DSCAM: variants seen among roughly 807,000 people sequenced by gnomAD.
DSCAM encodes the protein DS cell adhesion molecule.
DSCAM carries 47 observed loss-of-function variants against 217.7 expected under a neutral mutation model. That is an observed-to-expected ratio of 0.22 (90% CI 0.17 to 0.28). The LOEUF is 0.28. Ranked by LOEUF, DSCAM falls within the 10% of genes least tolerant of loss-of-function variation. The pLI is 1.00. For missense variants in DSCAM, 2,080 were observed against 2,618.3 expected (o/e 0.79, Z 4.49); for synonymous variants, 1,056 against 1,015.3 (o/e 1.04, Z -0.76).
At chr21:40,031,464 G>C (rs2088522728) in intron 32 of DSCAM, among the ~76,000 whole-genome samples, 1 of 152,016 alleles carries the variant, frequency 6.6e-6, no homozygotes, top group Admixed American at 6.6e-5. Flanking sequence ...ACACATAAAA[G>C]GGTTAATATC....
At chr21:40,182,549 C>T (rs146587571) in intron 14 of DSCAM, among the ~76,000 whole-genome samples, 89 of 150,112 alleles carry the variant, frequency 5.9e-4, no homozygotes, top group East Asian at 5.2e-3. Context: ...ACAGAGAAAC[C>T]GTGGACAGGA....
intron 3 of DSCAM, among the ~76,000 whole-genome samples, chr21:40,541,143 G>A (rs1487684144): frequency 2.0e-5 from 3 of 151,840 alleles, no homozygotes; most frequent in Non-Finnish European, 4.4e-5. Context: ...CATTTTACAG[G>A]CCATTGTTAT....
At chr21:40,381,808 G>A (rs2075028965) in intron 3 of DSCAM, among the ~76,000 whole-genome samples, 1 of 152,130 alleles carries the variant, frequency 6.6e-6, no homozygotes, top group African/African-American at 2.4e-5. Context: ...TCAGTTTCAT[G>A]GATTGCAGCT....
intron 1 of DSCAM, among the ~76,000 whole-genome samples, chr21:40,787,464 C>G (rs1401382301): frequency 6.6e-6 from 1 of 152,168 alleles, no homozygotes; most frequent in Non-Finnish European, 1.5e-5. Context: ...ATGTCTCACC[C>G]CATTTCTCAA....
intron 1 of DSCAM, among the ~76,000 whole-genome samples, chr21:40,751,687 T>C (rs886581838): frequency 6.6e-6 from 1 of 152,106 alleles, no homozygotes; most frequent in Non-Finnish European, 1.5e-5. Flanking sequence ...GAGGGGTTCC[T>C]ACTGTAGGGT....
At chr21:40,481,505 C>A (rs549533836) in intron 3 of DSCAM, among the ~76,000 whole-genome samples, 15 of 107,874 alleles carry the variant, frequency 1.4e-4, no homozygotes, top group African/African-American at 4.9e-4. Flanking sequence ...GCCTGGGCAA[C>A]AGAGACAGAG....
intron 1 of DSCAM, among the ~76,000 whole-genome samples, chr21:40,795,059 TG>T (rs2091679346): frequency 6.6e-6 from 1 of 151,906 alleles, no homozygotes; most frequent in African/African-American, 2.4e-5. Flanking sequence ...CCTGGATAGC[TG>T]GTCTGCAAAT....
chr21:40,617,773 TTAG>T (rs2089424067), intron 3 of DSCAM, among the ~76,000 whole-genome samples: 1 of 152,216 alleles, frequency 6.6e-6, no homozygotes, highest in South Asian at 2.1e-4. Flanking sequence ...GAGCACTGAC[TTAG>T]AAGAAGCTAG....
chr21:40,331,183 G>C (rs1004943685), intron 8 of DSCAM, among the ~76,000 whole-genome samples: 1 of 152,186 alleles, frequency 6.6e-6, no homozygotes, highest in African/African-American at 2.4e-5. Flanking sequence ...GATTAAGAAT[G>C]AAAGACCTTT....
intron 24 of DSCAM, among the ~76,000 whole-genome samples, chr21:40,082,216 G>A (rs769873598): frequency 2.6e-5 from 4 of 152,102 alleles, no homozygotes; most frequent in South Asian, 2.1e-4. Context: ...ATCCCAGCAC[G>A]TTGGGAAGCC....
Position 40,332,196 on chromosome 21 carries a change from T to C in DSCAM, c.1783+5905A>G, listed in dbSNP as rs115178768. Among the ~76,000 whole-genome samples the C allele has an allele frequency of 4.0e-3, 602 of 152,328 alleles. 6 individuals are homozygous for C. Among genetic ancestry groups the C allele is most frequent in the African/African-American group, 0.014 (569 of 41,574 alleles). On this transcript the variant is annotated intron_variant, in intron 8 of 32. Transcript: ENST00000400454. ...TTTTGCCCTACATTTTAACATGTTG[T>C]CTGTCTTGACTTTTTAAATAGCTTT...
intron 32 of DSCAM, among the ~76,000 whole-genome samples, chr21:40,037,245 A>G (rs1287935903): frequency 6.7e-6 from 1 of 149,316 alleles, no homozygotes; most frequent in Non-Finnish European, 1.5e-5. Flanking sequence ...TGCAGATGAC[A>G]TGATTGTATA....
chr21:40,386,844 C>G (rs1283518302), intron 3 of DSCAM, among the ~76,000 whole-genome samples: 1 of 152,114 alleles, frequency 6.6e-6, no homozygotes, highest in East Asian at 1.9e-4. Flanking sequence ...GCTTTACAAC[C>G]ATCTAATGAA....
intron 3 of DSCAM, among the ~76,000 whole-genome samples, chr21:40,388,469 G>C (rs957693355): frequency 2.0e-5 from 3 of 152,114 alleles, no homozygotes; most frequent in African/African-American, 7.2e-5. Context: ...AATCTCTTTA[G>C]TGCTTTTGAC....
intron 3 of DSCAM, among the ~76,000 whole-genome samples, chr21:40,397,949 C>T (rs2075196916): frequency 6.6e-6 from 1 of 152,042 alleles, no homozygotes; most frequent in Non-Finnish European, 1.5e-5. Flanking sequence ...CAACAATTAC[C>T]ACCACCACCA....
intron 20 of DSCAM, among the ~76,000 whole-genome samples, chr21:40,112,659 T>C (rs62237602): frequency 0.12 from 18,601 of 151,976 alleles, 1,227 homozygotes; most frequent in Non-Finnish European, 0.16. Context: ...ACAAAATTGA[T>C]AGACCGCTAG....
chr21:40,397,122 C>A (rs1908357678), intron 3 of DSCAM, among the ~76,000 whole-genome samples: 1 of 152,196 alleles, frequency 6.6e-6, no homozygotes, highest in South Asian at 2.1e-4. Flanking sequence ...GGATTTGAGA[C>A]TGATCTTCTA....
At chr21:40,331,734 T>C (rs933370328) in intron 8 of DSCAM, among the ~76,000 whole-genome samples, 7 of 152,222 alleles carry the variant, frequency 4.6e-5, no homozygotes, top group Non-Finnish European at 8.8e-5. Flanking sequence ...GAATGAAATA[T>C]GTAAAAGCGA....
At chr21:40,201,377 CTT>C (rs5844005) in intron 11 of DSCAM, among the ~76,000 whole-genome samples, 2 of 149,932 alleles carry the variant, frequency 1.3e-5, no homozygotes, top group African/African-American at 2.4e-5. Flanking sequence ...CCATTTCTTT[CTT>C]TTTTTTTTTC....
Sources: allele counts gnomAD v4.1 joint callset (sites outside exome capture counted in the v4.1 genomes callset), GRCh38; gene constraint gnomAD v4.1.1; transcripts MANE v1.5; gene names NCBI Gene and HGNC (gene_info 2026-07-23, HGNC 2026-07-21).